The following CSMD2 variants were observed in gnomAD, a reference collection of about 807,000 sequenced individuals.
CSMD2 encodes CUB and sushi domain-containing protein 2.
Under a neutral mutation model 398.5 loss-of-function variants are expected in CSMD2, and 130 were observed. That is an observed-to-expected ratio of 0.33 (90% CI 0.28 to 0.38). The LOEUF is 0.38. Ranked by LOEUF, CSMD2 falls within the 10% of genes least tolerant of loss-of-function variation. CSMD2 has a pLI of 1.00. For synonymous variants in CSMD2, 1,828 were observed against 1,908.5 expected, an observed-to-expected ratio of 0.96 and a Z score of 1.10; for missense variants, 3,829 against 4,764.9, an observed-to-expected ratio of 0.80 and a Z score of 5.78.
chr1:33,895,043 T>C (rs1405230257), intron 5 of CSMD2, among the ~76,000 whole-genome samples: 9 of 152,232 alleles, frequency 5.9e-5, no homozygotes, highest in Non-Finnish European at 1.3e-4. Flanking sequence ...AAGTAATTCT[T>C]GCCCACCTCA....
At chr1:33,666,145 C>A (rs947500352) in intron 25 of CSMD2, among the ~76,000 whole-genome samples, 2 of 152,174 alleles carry the variant, frequency 1.3e-5, no homozygotes, top group African/African-American at 4.8e-5. Flanking sequence ...AGGAACGTAG[C>A]TACTCACCTT....
chr1:33,614,291 C>A (rs1641240569), intron 40 of CSMD2, among the ~76,000 whole-genome samples: 1 of 151,952 alleles, frequency 6.6e-6, no homozygotes. Context: ...ATAATGGCAA[C>A]CCCTAAGATT....
At chr1:33,863,413 AT>A (rs1570313130) in intron 5 of CSMD2, 2 of 152,234 alleles carry the variant, frequency 1.3e-5, no homozygotes, top group African/African-American at 2.4e-5. Context: ...ATTCCATTTC[AT>A]TTTCATGAAC....
chr1:34,165,098 G>T lies in CSMD2; in HGVS notation c.-1C>A, dbSNP rs1413646700. On this transcript the variant is annotated 5_prime_UTR_variant, in exon 1 of 71. Transcript: ENST00000373381. ...GCTCCCGTCCCCGCGAGCGCGGCAT[G>T]GCGCGGCCGGCAGCGCCGAGGGAGA... 1.8e-5 allele frequency: 22 copies of T among 1,214,246 alleles called. No homozygotes were observed. The highest frequency in any genetic ancestry group is 1.0e-6 in the Non-Finnish European group (1 of 976,522). 75.2% of individuals were successfully genotyped at this position (1,214,246 alleles called of 1,614,324 possible).
intron 50 of CSMD2, 74 bp from the exon 51 acceptor site, chr1:33,571,800 T>A: frequency 1.7e-6 from 2 of 1,172,388 alleles, no homozygotes; most frequent in Non-Finnish European, 2.2e-6. Context: ...AGCCCAGATC[T>A]AGGGACTTGG....
chr1:33,531,584 G>A (rs1328365255), intron 64 of CSMD2, among the ~76,000 whole-genome samples: 1 of 152,200 alleles, frequency 6.6e-6, no homozygotes, highest in Non-Finnish European at 1.5e-5. Context: ...ATCAACAGGT[G>A]AATGGATAAA....
intron 44 of CSMD2, among the ~76,000 whole-genome samples, chr1:33,596,053 T>G (rs1639815400): frequency 6.6e-6 from 1 of 152,200 alleles, no homozygotes. Flanking sequence ...TATATTATAA[T>G]TTTTGCTCTA....
chr1:33,528,699 G>T (rs956213240), intron 64 of CSMD2, among the ~76,000 whole-genome samples: 4 of 152,190 alleles, frequency 2.6e-5, no homozygotes, highest in Non-Finnish European at 5.9e-5. Context: ...GAGAGGCAGA[G>T]AAATGAAAGG....
At position 33,559,821 on chromosome 1, in the gene CSMD2, T is replaced by A. The variant is rs1346021018; in HGVS notation, c.8381-348A>T. Among the ~76,000 whole-genome samples, 2 of 152,140 alleles carry A rather than the reference T, an allele frequency of 1.3e-5. No individual in the cohort carries two copies. The highest frequency in any genetic ancestry group is 4.8e-5 in the African/African-American group (2 of 41,418). ...CAGATCCATTCTTAATTGCTGGGTA[T>A]ACTGATGGCCAACTGTCAGCTGGTT... is the stretch of plus-strand genomic sequence containing the variant. On this transcript the variant is annotated intron_variant, in intron 53 of 70. Coordinates refer to ENST00000373381, the MANE Select transcript of CSMD2 (RefSeq NM_001281956.2). The surrounding 1 kb of genome is among the most constrained non-coding windows in gnomAD (Gnocchi z 4.0).
chr1:33,959,360 A>C (rs551893348), intron 3 of CSMD2, among the ~76,000 whole-genome samples: 1 of 152,132 alleles, frequency 6.6e-6, no homozygotes, highest in East Asian at 1.9e-4. Flanking sequence ...ACACACAGAT[A>C]TTTAAGTCAG....
intron 9 of CSMD2, among the ~76,000 whole-genome samples, chr1:33,811,518 A>G (rs1304580577): frequency 1.3e-5 from 2 of 152,162 alleles, no homozygotes; most frequent in Non-Finnish European, 2.9e-5. Flanking sequence ...CCAGGCCCCC[A>G]GAGTGATTTC....
At chr1:34,024,040 T>G (rs1430700833) in intron 3 of CSMD2, among the ~76,000 whole-genome samples, 1 of 152,208 alleles carries the variant, frequency 6.6e-6, no homozygotes, top group Non-Finnish European at 1.5e-5. Context: ...TCAGGGAGGT[T>G]GGGAGACTTG....
At chr1:33,610,751 C>A (rs1004527811) in intron 41 of CSMD2, among the ~76,000 whole-genome samples, 5 of 152,156 alleles carry the variant, frequency 3.3e-5, no homozygotes, top group Admixed American at 6.5e-5. Context: ...GTTTGGGACA[C>A]CTGAGAAGGC....
intron 3 of CSMD2, among the ~76,000 whole-genome samples, chr1:33,976,518 G>T (rs769721672): frequency 5.9e-5 from 9 of 152,130 alleles, no homozygotes; most frequent in Non-Finnish European, 1.2e-4. Context: ...ACCCAGGGAG[G>T]TTCACGGAAT....
At chr1:34,024,251 T>C (rs550385272) in intron 3 of CSMD2, among the ~76,000 whole-genome samples, 1 of 152,296 alleles carries the variant, frequency 6.6e-6, no homozygotes, top group East Asian at 1.9e-4. Context: ...AAATATTTGT[T>C]GAATGAATGA....
chr1:33,927,266 T>C (rs940655977), intron 4 of CSMD2, among the ~76,000 whole-genome samples: 1 of 152,182 alleles, frequency 6.6e-6, no homozygotes. Flanking sequence ...CCATTTATCC[T>C]TGGCTTTATC....
In CSMD2 at chr1:33,518,130, T is replaced by C. The variant is rs972522852; in HGVS notation, c.*53+1335A>G. Among the ~76,000 whole-genome samples the C allele has an allele frequency of 2.0e-5, 3 of 152,206 alleles. No homozygotes were observed. Among genetic ancestry groups the C allele is most frequent in the Non-Finnish European group, 4.4e-5 (3 of 68,030 alleles). ...ATCCCTACCTGGCTGGCTCTGTGAC[T>C]CTTCTCCCCAGAGTCCTTCAGCACA... On this transcript the variant is annotated intron_variant, in intron 70 of 70. Coordinates refer to ENST00000373381, the MANE Select transcript of CSMD2 (RefSeq NM_001281956.2). This position sits in a 1 kb window ranked among gnomAD's most constrained non-coding sequence, Gnocchi z 4.3.
intron 3 of CSMD2, among the ~76,000 whole-genome samples, chr1:34,010,543 A>T (rs1647218461): frequency 6.6e-6 from 1 of 151,992 alleles, no homozygotes; most frequent in Non-Finnish European, 1.5e-5. Flanking sequence ...AAAGGGTGTA[A>T]CCAATGGAGC....
chr1:33,606,485 G>A (rs1640619224), intron 41 of CSMD2, among the ~76,000 whole-genome samples: 1 of 152,238 alleles, frequency 6.6e-6, no homozygotes. Context: ...AGGTTTCCCT[G>A]GGAAATCATT....
Sources: gnomAD v4.1 joint callset for allele counts (sites outside exome capture counted in the v4.1 genomes callset) on GRCh38, gnomAD v4.1.1 for gene constraint, Gnocchi (gnomAD v3.1) non-coding constraint, MANE v1.5 for transcripts, NCBI Gene and HGNC (gene_info 2026-07-23, HGNC 2026-07-21) for gene names.